Variants in TRPC4 observed in about 807,000 individuals in gnomAD.
TRPC4 encodes the protein short transient receptor potential channel 4.
Under a neutral mutation model 99.4 loss-of-function variants are expected in TRPC4, and 49 were observed. That is an observed-to-expected ratio of 0.49 (90% CI 0.39 to 0.63). TRPC4 has a LOEUF of 0.63. Among genes scored for constraint, TRPC4 ranks in the 20% least tolerant of loss-of-function variants. The probability of loss-of-function intolerance (pLI) is 0.00; values close to 1 mark genes in which losing one functional copy is unlikely to be tolerated. For synonymous variants in TRPC4, 454 were observed against 425.9 expected, an observed-to-expected ratio of 1.07 and a Z score of -0.81; for missense variants, 898 against 1,152.9, an observed-to-expected ratio of 0.78 and a Z score of 3.20.
At chr13:37,734,353 G>A (rs1301698533) in intron 3 of TRPC4, among the ~76,000 whole-genome samples, 4 of 152,116 alleles carry the variant, frequency 2.6e-5, no homozygotes, top group African/African-American at 9.7e-5. Context: ...AAAGAAATTT[G>A]AACTTGGCCT....
chr13:37,831,818 C>T (rs1403814533), intron 1 of TRPC4, among the ~76,000 whole-genome samples: 2 of 152,154 alleles, frequency 1.3e-5, no homozygotes, highest in East Asian at 3.9e-4. Flanking sequence ...TGACTTATAG[C>T]TGGAACCTGA....
intron 1 of TRPC4, among the ~76,000 whole-genome samples, chr13:37,856,994 T>C (rs1303065175): frequency 6.6e-6 from 1 of 151,666 alleles, no homozygotes; most frequent in Admixed American, 6.6e-5. Flanking sequence ...ATGACAAGGA[T>C]GCCCGCTTTC....
rs1956882862 is a variant in TRPC4 at position 37,783,084 on chromosome 13, C to A, written c.250G>T (p.Glu84Ter). 5 of 1,613,288 alleles carry A rather than the reference C, an allele frequency of 3.1e-6. No homozygotes were observed. Among genetic ancestry groups the A allele is most frequent in the Non-Finnish European group, 4.2e-6 (5 of 1,179,722 alleles). ...AAGCTTAAGAGTAGTTCGATGAGCT[C>A]CAAGTTCTCATTTTCAATTGCAATG... ...LLIAIENENL[E>*]LIELLLSFNV... The change falls in exon 2 of 11, where the codon GAG becomes TAG. Residue 84 changes from glutamate to a stop codon, truncating the protein, a stop_gained. Coordinates refer to ENST00000379705, the MANE Select transcript of TRPC4 (RefSeq NM_016179.4). LOFTEE classifies it high-confidence loss of function.
intron 1 of TRPC4, among the ~76,000 whole-genome samples, chr13:37,843,801 C>G (rs1958808747): frequency 6.6e-6 from 1 of 152,104 alleles, no homozygotes; most frequent in Non-Finnish European, 1.5e-5. Context: ...CCACAGAAAT[C>G]TAACCAGCAA....
chr13:37,712,066 T>C (rs146051651), intron 3 of TRPC4, among the ~76,000 whole-genome samples: 1,678 of 152,232 alleles, frequency 0.011, 86 homozygotes, highest in East Asian at 0.085. Flanking sequence ...AAATGCCTCA[T>C]GTGGCTAGTG....
intron 2 of TRPC4, among the ~76,000 whole-genome samples, chr13:37,762,346 A>G (rs1156809587): frequency 6.6e-6 from 1 of 151,750 alleles, no homozygotes; most frequent in Non-Finnish European, 1.5e-5. Context: ...ATACCATTTG[A>G]CCCAGCCATC....
At chr13:37,819,019 G>T (rs1439835694) in intron 1 of TRPC4, among the ~76,000 whole-genome samples, 3 of 151,682 alleles carry the variant, frequency 2.0e-5, no homozygotes, top group African/African-American at 7.3e-5. Flanking sequence ...AATAGGAAAA[G>T]GTTATGAACA....
chr13:37,792,932 G>T (rs1447628763), intron 1 of TRPC4, among the ~76,000 whole-genome samples: 2 of 151,888 alleles, frequency 1.3e-5, no homozygotes, highest in Non-Finnish European at 2.9e-5. Flanking sequence ...CGTTGTTTTT[G>T]CTGTTGTTGC....
chr13:37,659,709 T>G (rs1166174857), intron 6 of TRPC4, among the ~76,000 whole-genome samples: 1 of 151,968 alleles, frequency 6.6e-6, no homozygotes, highest in East Asian at 1.9e-4. Context: ...GTACTTAGAT[T>G]TGGGCATCAG....
chr13:37,730,562 T>C (rs1955210388), intron 3 of TRPC4, among the ~76,000 whole-genome samples: 1 of 151,916 alleles, frequency 6.6e-6, no homozygotes, highest in Non-Finnish European at 1.5e-5. Flanking sequence ...AACATTTCCA[T>C]TTATATTATC....
At chr13:37,732,284 C>A (rs891269030) in intron 3 of TRPC4, among the ~76,000 whole-genome samples, 1 of 151,862 alleles carries the variant, frequency 6.6e-6, no homozygotes, top group African/African-American at 2.4e-5. Context: ...TTATTAAGAC[C>A]CAGTTTTAAC....
intron 3 of TRPC4, among the ~76,000 whole-genome samples, chr13:37,703,597 A>G (rs1954172859): frequency 6.6e-6 from 1 of 152,172 alleles, no homozygotes; most frequent in African/African-American, 2.4e-5. Context: ...TCTGTTGCAC[A>G]TTAGGGAAAT....
intron 4 of TRPC4, among the ~76,000 whole-genome samples, chr13:37,682,791 C>T (rs1409431195): frequency 6.6e-6 from 1 of 152,118 alleles, no homozygotes; most frequent in Non-Finnish European, 1.5e-5. Context: ...CACCCTGTTT[C>T]CCAGGCTGCA....
intron 1 of TRPC4, among the ~76,000 whole-genome samples, chr13:37,819,827 G>T (rs1957963200): frequency 6.9e-6 from 1 of 145,424 alleles, no homozygotes; most frequent in Admixed American, 6.9e-5. Context: ...TAAAATGAAA[G>T]TTAAAAAAAA....
At chr13:37,696,163 T>C (rs78463108) in intron 3 of TRPC4, among the ~76,000 whole-genome samples, 1 of 152,120 alleles carries the variant, frequency 6.6e-6, no homozygotes, top group African/African-American at 2.4e-5. Flanking sequence ...GAAACTCCCC[T>C]TTTTAAAACC....
intron 4 of TRPC4, among the ~76,000 whole-genome samples, chr13:37,688,215 T>C (rs1418691074): frequency 1.3e-5 from 2 of 152,214 alleles, no homozygotes; most frequent in African/African-American, 4.8e-5. Context: ...TTCCAACTTA[T>C]TGCTGACACC....
intron 5 of TRPC4, among the ~76,000 whole-genome samples, chr13:37,668,838 T>A (rs1232426533): frequency 6.6e-6 from 1 of 152,194 alleles, no homozygotes; most frequent in Non-Finnish European, 1.5e-5. Flanking sequence ...TTTCCCTTTC[T>A]AGAAATTTAT....
chr13:37,793,251 G>T (rs1019813782), intron 1 of TRPC4, among the ~76,000 whole-genome samples: 2 of 152,108 alleles, frequency 1.3e-5, no homozygotes, highest in Non-Finnish European at 1.5e-5. Flanking sequence ...AGAAATGACT[G>T]TGGAAGGCAC....
chr13:37,708,523 G>A (rs535373654), intron 3 of TRPC4, among the ~76,000 whole-genome samples: 19 of 151,940 alleles, frequency 1.3e-4, no homozygotes, highest in African/African-American at 4.6e-4. Flanking sequence ...GGAAGACAAT[G>A]ATATATATTC....
Sources: gnomAD v4.1 joint callset for allele counts (sites outside exome capture counted in the v4.1 genomes callset) on GRCh38, gnomAD v4.1.1 for gene constraint, MANE v1.5 for transcripts, NCBI Gene and HGNC (gene_info 2026-07-23, HGNC 2026-07-21) for gene names.